RXFP1: variants seen among roughly 807,000 people sequenced by gnomAD.
The protein encoded by RXFP1 is relaxin family peptide receptor 1, also known as relaxin receptor 1.
A neutral mutation model predicts 89.8 loss-of-function variants in RXFP1; 73 were observed. The ratio of observed to expected loss-of-function variants is 0.81; its 90% CI spans 0.67 to 0.99. RXFP1 has a LOEUF of 0.99. Among genes scored for constraint, RXFP1 ranks in the 50% least tolerant of loss-of-function variants. RXFP1 has a pLI of 0.00. For missense variants in RXFP1, 793 were observed against 895.5 expected (o/e 0.89, Z 1.46); for synonymous variants, 277 against 305.5 (o/e 0.91, Z 0.97).
intron 3 of RXFP1, among the ~76,000 whole-genome samples, chr4:158,595,931 T>C: frequency 6.6e-6 from 1 of 151,654 alleles, no homozygotes; most frequent in Non-Finnish European, 1.5e-5. Flanking sequence ...AAGATCTCAC[T>C]TGAGACCAGG....
intron 1 of RXFP1, among the ~76,000 whole-genome samples, chr4:158,534,453 G>T (rs1744802133): frequency 6.6e-6 from 1 of 152,034 alleles, no homozygotes; most frequent in Admixed American, 6.6e-5. Flanking sequence ...CTCCATGTTG[G>T]TCAGGTTGGT....
chr4:158,563,536 A>C (rs867145763), intron 1 of RXFP1, among the ~76,000 whole-genome samples: 8 of 136,580 alleles, frequency 5.9e-5, no homozygotes, highest in African/African-American at 2.1e-4. Flanking sequence ...ACACACACAC[A>C]CCCCAACAGG....
At chr4:158,593,542 A>T in intron 3 of RXFP1, 43 bp downstream of exon 3, 1 of 1,056,566 alleles carries the variant, frequency 9.5e-7, no homozygotes, top group Non-Finnish European at 1.4e-6. Flanking sequence ...TGAGTTCATA[A>T]GACACCATTT....
chr4:158,618,541 A>G (rs1765018514), intron 9 of RXFP1, among the ~76,000 whole-genome samples: 1 of 152,088 alleles, frequency 6.6e-6, no homozygotes, highest in South Asian at 2.1e-4. Flanking sequence ...GATAGTGAAT[A>G]TTATCCTGAT....
intron 1 of RXFP1, among the ~76,000 whole-genome samples, chr4:158,566,112 T>C (rs1035897360): frequency 1.3e-5 from 2 of 152,230 alleles, no homozygotes; most frequent in Non-Finnish European, 2.9e-5. Context: ...ACAAAGGACA[T>C]TTTGCAGGGG....
chr4:158,525,022 T>C (rs1742138382), intron 1 of RXFP1, among the ~76,000 whole-genome samples: 1 of 152,180 alleles, frequency 6.6e-6, no homozygotes, highest in Non-Finnish European at 1.5e-5. Flanking sequence ...ATCCCAGCAC[T>C]GGCATAACTT....
upstream of RXFP1, chr4:158,521,809 A>G: frequency 1.8e-6 from 1 of 551,550 alleles, no homozygotes; most frequent in East Asian, 3.1e-5. Context: ...AAAAAGAGGA[A>G]TGGAAAGAGA....
chr4:158,647,567 T>G (rs1771805512), intron 16 of RXFP1, among the ~76,000 whole-genome samples: 1 of 152,174 alleles, frequency 6.6e-6, no homozygotes. Flanking sequence ...AAAAAGTAAC[T>G]GAATTAGAAA....
At chr4:158,600,336 A>G (rs1476294339) in intron 4 of RXFP1, among the ~76,000 whole-genome samples, 2 of 152,220 alleles carry the variant, frequency 1.3e-5, no homozygotes, top group East Asian at 3.9e-4. Flanking sequence ...GTTCCTGTGC[A>G]TAGTGGTTCC....
At chr4:158,551,695 C>G (rs1750167976) in intron 1 of RXFP1, among the ~76,000 whole-genome samples, 1 of 152,150 alleles carries the variant, frequency 6.6e-6, no homozygotes, top group African/African-American at 2.4e-5. Flanking sequence ...AATCCCAGCA[C>G]TTTGAGCGGC....
At chr4:158,524,391 A>G (rs957443878) in intron 1 of RXFP1, among the ~76,000 whole-genome samples, 2 of 152,186 alleles carry the variant, frequency 1.3e-5, no homozygotes, top group African/African-American at 4.8e-5. Context: ...AGCAGTGACC[A>G]TGCTTTATTC....
rs1772040120 is a variant in RXFP1 at position 158,648,697 on chromosome 4, T to G, written c.1955T>G (p.Leu652Arg). ...ATTTTTGTAGTGAAATTTCTTTCAC[T>G]GCTTCAGGTAGAAATACCAGGTACA... The part of the protein sequence containing the change: ...IPIFVVKFLS[L>R]LQVEIPGTIT... Residue 652 changes from leucine (L) to arginine (R), a missense_variant, in exon 17 of 18, where the codon CTG (leucine) becomes CGG (arginine). Leu to Arg is a moderately radical substitution (Grantham distance 102). Coordinates refer to ENST00000307765, the MANE Select transcript of RXFP1 (RefSeq NM_021634.4). 3 of 1,597,718 alleles carry G rather than the reference T, an allele frequency of 1.9e-6. No homozygotes were observed. Among genetic ancestry groups the G allele is most frequent in the Non-Finnish European group, 2.6e-6 (3 of 1,169,034 alleles).
At position 158,626,885 on chromosome 4, in the gene RXFP1, C is replaced by G. The variant is rs1480391374; in HGVS notation, c.821C>G (p.Thr274Ser). 6.7e-7 allele frequency: 1 copy of G among 1,483,990 alleles called. No homozygotes were observed. Among genetic ancestry groups the G allele is most frequent in the Non-Finnish European group, 9.3e-7 (1 of 1,081,052 alleles). The allele number at this position is 1,483,990 out of a possible 1,614,324, so 91.9% of individuals were successfully genotyped here. A position where few individuals can be genotyped will look rare whatever the true frequency, so the allele number is the denominator to read the frequency against. ...ACTTTTATTTCCTGCAGTAATTTAA[C>G]TGTTTTGTAAGTAATATGCTATGCT... ...NLTFISCSNL[T>S]VLVMRKNKIN... Residue 274 changes from threonine to serine, a missense_variant, in exon 10 of 18, where the codon ACT (threonine) becomes AGT (serine). Thr to Ser is a moderately conservative substitution (Grantham distance 58, BLOSUM62 1). Coordinates refer to ENST00000307765, the MANE Select transcript of RXFP1 (RefSeq NM_021634.4).
chr4:158,533,642 C>T (rs1378939262), intron 1 of RXFP1, among the ~76,000 whole-genome samples: 3 of 152,092 alleles, frequency 2.0e-5, no homozygotes, highest in African/African-American at 4.8e-5. Context: ...TTCATTTGGT[C>T]GTTTATTTTT....
chr4:158,542,729 T>G (rs755836815), intron 1 of RXFP1, among the ~76,000 whole-genome samples: 2 of 152,216 alleles, frequency 1.3e-5, no homozygotes, highest in Non-Finnish European at 2.9e-5. Flanking sequence ...TGGCAATCAT[T>G]GCAGAGTTCC....
In RXFP1 at chr4:158,625,403, T is replaced by C. The variant is rs530011131; in HGVS notation, c.756-1417T>C. Among the ~76,000 whole-genome samples, 4 of 152,266 alleles carry C rather than the reference T, an allele frequency of 2.6e-5. No individual in the cohort carries two copies. In the East Asian group the frequency reaches 7.7e-4, roughly 29 times the overall value. ...AAAGAAACAACTTCTCTGGATATCA[T>C]AGATTGCTAGATAGGTTTAAGTTGG... On this transcript the variant is annotated intron_variant, in intron 9 of 17. Coordinates refer to ENST00000307765, the MANE Select transcript of RXFP1 (RefSeq NM_021634.4).
intron 6 of RXFP1, among the ~76,000 whole-genome samples, chr4:158,609,760 G>A (rs1025956573): frequency 6.6e-6 from 1 of 152,144 alleles, no homozygotes; most frequent in African/African-American, 2.4e-5. Flanking sequence ...TCTTAGCAAA[G>A]TACCCAGAAT....
chr4:158,586,138 G>A (rs1170885607), intron 2 of RXFP1, among the ~76,000 whole-genome samples: 1 of 152,206 alleles, frequency 6.6e-6, no homozygotes, highest in African/African-American at 2.4e-5. Flanking sequence ...GGAGAAGCCT[G>A]TAAATTTGTG....
Position 158,631,118 on chromosome 4 carries a change from A to G in RXFP1, c.900-2287A>G, listed in dbSNP as rs184480397. On this transcript the variant is annotated intron_variant, in intron 11 of 17. Coordinates refer to ENST00000307765, the MANE Select transcript of RXFP1 (RefSeq NM_021634.4). ...GTCACTTGGGATCTGGGCCAACACT[A>G]TCCCATTACATGATTCATGCTGTTA... Among the ~76,000 whole-genome samples the G allele has an allele frequency of 2.6e-4, 40 of 152,306 alleles. 1 individual carries two copies. The East Asian group carries it at 7.5e-3, about 29-fold the overall frequency.
Sources: gnomAD v4.1 joint callset for allele counts (sites outside exome capture counted in the v4.1 genomes callset) on GRCh38, gnomAD v4.1.1 for gene constraint, MANE v1.5 for transcripts, NCBI Gene and HGNC (gene_info 2026-07-23, HGNC 2026-07-21) for gene names.